Variants in TAT observed in about 807,000 individuals in gnomAD.
The protein encoded by TAT is tyrosine aminotransferase, also known as L-tyrosine:2-oxoglutarate aminotransferase.
A neutral mutation model predicts 53.6 loss-of-function variants in TAT; 35 were observed. The observed-to-expected ratio is 0.65, with a 90% CI of 0.50 to 0.87. The LOEUF (loss-of-function observed/expected upper bound fraction) is 0.87, where lower values mean the gene tolerates loss of function less well. Among genes scored for constraint, TAT ranks in the 40% least tolerant of loss-of-function variants. The pLI is 0.00. For missense variants in TAT, 525 were observed against 571.8 expected (o/e 0.92, Z 0.83); for synonymous variants, 197 against 206.5 (o/e 0.95, Z 0.39).
chr16:71,576,075 T>A (rs1391206651), intron 2 of TAT, 49 bp from the exon 3 acceptor site: 1 of 1,610,908 alleles, frequency 6.2e-7, no homozygotes, highest in African/African-American at 1.3e-5. Flanking sequence ...TATTCTCCCA[T>A]GTTCAGTACT....
chr16:71,568,214 C>T lies in TAT; in HGVS notation c.1295G>A (p.Ser432Asn), dbSNP rs1030239237. The T allele has an allele frequency of 1.9e-6, 3 of 1,614,222 alleles. No homozygotes were observed. The highest frequency in any genetic ancestry group is 2.7e-5 in the African/African-American group (2 of 75,060). Reference protein sequence around the residue: ...VPEVMMLEACSRIQEFCEQHY... With the variant: ...VPEVMMLEACNRIQEFCEQHY... ...CTGCTCACAGAACTCCTGGATCCGG[C>T]TGCACGCCTCCAGCATCATCACCTC... The change falls in exon 12 of 12, where the codon AGC becomes AAC. Residue 432 changes from serine to asparagine, a missense_variant. By Grantham distance (46) the Ser-to-Asn change is conservative. Coordinates refer to ENST00000355962, the MANE Select transcript of TAT (RefSeq NM_000353.3).
rs923128961 is a variant in TAT at position 71,565,700 on chromosome 16, T to TGC, written c.*2442_*2443dup. 4.2e-5 allele frequency: 4 copies of TGC among 94,908 alleles called. No individual in the cohort carries two copies. Among genetic ancestry groups the TGC allele is most frequent in the African/African-American group, 3.3e-4 (4 of 12,146 alleles). The allele number at this position is 94,908 out of a possible 1,614,324, so 5.9% of individuals were successfully genotyped here. A position where few individuals can be genotyped will look rare whatever the true frequency, so the allele number is the denominator to read the frequency against. ...ATACTTTATTTGAAAAAATGAAAAG[T>TGC]GCACACACACACACACACACACACA... On this transcript the variant is annotated 3_prime_UTR_variant, in exon 12 of 12. Coordinates refer to ENST00000355962, the MANE Select transcript of TAT (RefSeq NM_000353.3).
chr16:71,571,529 T>C (rs927133189), intron 7 of TAT, 77 bp downstream of exon 7: 1 of 1,342,346 alleles, frequency 7.4e-7, no homozygotes, highest in African/African-American at 1.4e-5. Context: ...TAGGAGTTGT[T>C]TCTGATTATT....
Position 71,567,494 on chromosome 16 carries a change from C to T in TAT, c.*650G>A, listed in dbSNP as rs1354600282. ...GAAAAAAAAGAAAGCCTGATGCACA[C>T]AAATCTAAATTTGGCAAGTCGATCA... On this transcript the variant is annotated 3_prime_UTR_variant, in exon 12 of 12. Coordinates refer to ENST00000355962, the MANE Select transcript of TAT (RefSeq NM_000353.3). 1 of 152,168 alleles carries T rather than the reference C, an allele frequency of 6.6e-6. No individual in the cohort carries two copies. Among genetic ancestry groups the T allele is most frequent in the Non-Finnish European group, 1.5e-5 (1 of 68,102 alleles). 9.4% of individuals were successfully genotyped at this position (152,168 alleles called of 1,614,324 possible).
rs538119262 is a variant in TAT, at chr16:71,566,075, G to A, written c.*2069C>T. 6.6e-6 allele frequency: 1 copy of A among 152,164 alleles called. No homozygotes were observed. The highest frequency in any genetic ancestry group is 6.5e-5 in the Admixed American group (1 of 15,282). The allele number at this position is 152,164 out of a possible 1,614,324, so 9.4% of individuals were successfully genotyped here. A position where few individuals can be genotyped will look rare whatever the true frequency, so the allele number is the denominator to read the frequency against. On this transcript the variant is annotated 3_prime_UTR_variant, in exon 12 of 12. Coordinates refer to ENST00000355962, the MANE Select transcript of TAT (RefSeq NM_000353.3). ...GAGATCTTTGGGGGCTTGGATGGAG[G>A]AACAGGAAAAGAGGAGCCAGGCTTT...
Position 71,566,231 on chromosome 16 carries a change from A to G in TAT, c.*1913T>C, listed in dbSNP as rs1235544017. 1 of 133,746 alleles carries G rather than the reference A, an allele frequency of 7.5e-6. No individual in the cohort carries two copies. Among genetic ancestry groups the G allele is most frequent in the Non-Finnish European group, 1.5e-5 (1 of 67,866 alleles). The allele number at this position is 133,746 out of a possible 1,614,324, so 8.3% of individuals were successfully genotyped here. The stretch of plus-strand genomic sequence containing the variant: ...ATTTTGCTGTGAGCTCACTGAACTC[A>G]AATTGAAAGGGAACATATGCTGTTT... On this transcript the variant is annotated 3_prime_UTR_variant, in exon 12 of 12. Transcript: ENST00000355962.
chr16:71,566,921 T>C lies in TAT; in HGVS notation c.*1223A>G, dbSNP rs1387200786. ...ATGCCCTTGGCAAAATAAAAGATCT[T>C]ATCAATATAAATGTTTCTTAGAAAA... On this transcript the variant is annotated 3_prime_UTR_variant, in exon 12 of 12. Transcript: ENST00000355962. 1 of 151,554 alleles carries C rather than the reference T, an allele frequency of 6.6e-6. No individual in the cohort carries two copies. The highest frequency in any genetic ancestry group is 1.5e-5 in the Non-Finnish European group (1 of 67,944). 9.4% of individuals were successfully genotyped at this position (151,554 alleles called of 1,614,324 possible). A position where few individuals can be genotyped will look rare whatever the true frequency, so the allele number is the denominator to read the frequency against.
intron 3 of TAT, 56 bp from the exon 4 acceptor site, chr16:71,573,662 C>T: frequency 6.8e-7 from 1 of 1,465,004 alleles, no homozygotes; most frequent in Non-Finnish European, 9.4e-7. Flanking sequence ...CTGTGTCTCA[C>T]TCTGTCACCC....
chr16:71,566,886 A>G lies in TAT; in HGVS notation c.*1258T>C, dbSNP rs190869391. The stretch of plus-strand genomic sequence containing the variant: ...ATTTATTAAAAAAAAAAAAAGAAAA[A>G]CAATAATTTATGCCCTTGGCAAAAT... On this transcript the variant is annotated 3_prime_UTR_variant, in exon 12 of 12. Transcript: ENST00000355962. 18 of 152,092 alleles carry G rather than the reference A, an allele frequency of 1.2e-4. No homozygotes were observed. The highest frequency in any genetic ancestry group is 9.8e-4 in the Admixed American group (15 of 15,292). The allele number at this position is 152,092 out of a possible 1,614,324, so 9.4% of individuals were successfully genotyped here.
intron 6 of TAT, 119 bp downstream of exon 6, chr16:71,572,067 G>A (rs2044206723): frequency 7.7e-7 from 1 of 1,299,602 alleles, no homozygotes; most frequent in Admixed American, 1.7e-5. Flanking sequence ...AGACATCAGT[G>A]GAGCTCCCCA....
rs149946824 is a variant in TAT, at chr16:71,572,195, T to C, written c.697A>G (p.Ile233Val). Residue 233 changes from isoleucine to valine, a missense_variant, in exon 6 of 12, where the codon ATT becomes GTT. By Grantham distance (29) the Ile-to-Val change is conservative. Coordinates refer to ENST00000355962, the MANE Select transcript of TAT (RefSeq NM_000353.3). ...SVFSKRHLQK[I>V]LAVAARQCVP... ...AGTCTGCTGGACGTACCTGCCAGAA[T>C]CTTCTGAAGATGACGTTTGCTGAAC... 42 of 1,614,068 alleles carry C rather than the reference T, an allele frequency of 2.6e-5. No individual in the cohort carries two copies. The highest frequency in any genetic ancestry group is 3.5e-5 in the Non-Finnish European group (41 of 1,180,012).
At chr16:71,576,576 T>A in intron 1 of TAT, 149 bp from the exon 2 acceptor site, 1 of 730,072 alleles carries the variant, frequency 1.4e-6, no homozygotes, top group Non-Finnish European at 2.3e-6. Context: ...TGTTGTAAAG[T>A]AGCTTTACTA....
At position 71,576,299 on chromosome 16, in the gene TAT, G is replaced by C. The variant is rs1451272406; in HGVS notation, c.117C>G (p.Ala39=). Residue 39 remains alanine (A), a synonymous_variant, in exon 2 of 12, where the codon GCC becomes GCG. Coordinates refer to ENST00000355962, the MANE Select transcript of TAT (RefSeq NM_000353.3). ...TGTCTGAGGGCCTCACAGACCACCT[G>C]GCCTTTCTGCCTTTCATTTTTCCCG... ...SVPGKMKGRK[A]RWSVRPSDMA... 8.1e-6 allele frequency: 13 copies of C among 1,614,032 alleles called. 2 individuals are homozygous for C. The South Asian group carries it at 1.1e-4, about 14-fold the overall frequency.
In TAT at chr16:71,572,685, C is replaced by A. The variant is rs182191343; in HGVS notation, c.412G>T (p.Val138Phe). ...TGGCTGCAGCCACTTGTCAGAATGA[C>A]GTCCTGTGAAGGAAATAAAAGGTTA... ...CPEAPLEAKD[V>F]ILTSGCSQAI... The change falls in exon 5 of 12, where the codon GTC becomes TTC. Residue 138 changes from valine to phenylalanine, a missense_variant. Physicochemically the swap from Val to Phe is conservative, Grantham distance 50. Coordinates refer to ENST00000355962, the MANE Select transcript of TAT (RefSeq NM_000353.3). The A allele has an allele frequency of 6.2e-7, 1 of 1,614,136 alleles. No individual in the cohort carries two copies.
Position 71,576,011 on chromosome 16 carries a change from AAC to A in TAT, c.249_250del (p.Phe84TrpfsTer8). The A allele has an allele frequency of 6.2e-7, 1 of 1,614,154 alleles. No homozygotes were observed. Among genetic ancestry groups the A allele is most frequent in the Non-Finnish European group, 8.5e-7 (1 of 1,180,032 alleles). On this transcript the variant is annotated frameshift_variant, in exon 3 of 12. Coordinates refer to ENST00000355962, the MANE Select transcript of TAT (RefSeq NM_000353.3). LOFTEE classifies it high-confidence loss of function. ...TTCAGGGTCTGTAGGCAGGTTTCCAAACACAGTAGGGTCCCCTTTTTATGGGA... is the reference window on the plus strand; with the variant it reads ...TTCAGGGTCTGTAGGCAGGTTTCCAAACAGTAGGGTCCCCTTTTTATGGGA...
Position 71,566,625 on chromosome 16 carries a change from G to C in TAT, c.*1519C>G, listed in dbSNP as rs1329982359. The C allele has an allele frequency of 6.6e-6, 1 of 152,116 alleles. No individual in the cohort carries two copies. Among genetic ancestry groups the C allele is most frequent in the Admixed American group, 6.6e-5 (1 of 15,260 alleles). 9.4% of individuals were successfully genotyped at this position (152,116 alleles called of 1,614,324 possible). On this transcript the variant is annotated 3_prime_UTR_variant, in exon 12 of 12. Coordinates refer to ENST00000355962, the MANE Select transcript of TAT (RefSeq NM_000353.3). ...GGATCCAGAAAGTTGAAAATGTAAA[G>C]ACAAAGGCCAGAGGTTATAACTTAC...
chr16:71,567,203 G>A lies in TAT; in HGVS notation c.*941C>T, dbSNP rs966957192. On this transcript the variant is annotated 3_prime_UTR_variant, in exon 12 of 12. Transcript: ENST00000355962. ...GCGGGCAGATTGCCTGAGGTCAGGA[G>A]TTTGAGACCAGCCTGGCTAACATGG... 15 of 152,296 alleles carry A rather than the reference G, an allele frequency of 9.8e-5. No homozygotes were observed. Among genetic ancestry groups the A allele is most frequent in the Non-Finnish European group, 1.6e-4 (11 of 68,136 alleles). 9.4% of individuals were successfully genotyped at this position (152,296 alleles called of 1,614,324 possible).
intron 3 of TAT, chr16:71,575,476 T>G (rs1428643400): frequency 1.1e-5 from 2 of 187,756 alleles, no homozygotes; most frequent in Non-Finnish European, 2.3e-5. Flanking sequence ...CAATTGCATT[T>G]CAATGTGCTC....
At chr16:71,570,558 C>CCA (rs1597053367) in intron 8 of TAT, 121 bp downstream of exon 8, 2 of 1,567,212 alleles carry the variant, frequency 1.3e-6, no homozygotes, top group African/African-American at 2.7e-5. Context: ...CCCAGCTCTG[C>CCA]CACACACATG....
Sources: gnomAD v4.1 joint callset for allele counts on GRCh38, gnomAD v4.1.1 for gene constraint, MANE v1.5 for transcripts, NCBI Gene and HGNC (gene_info 2026-07-23, HGNC 2026-07-21) for gene names.